Variants in SGCD observed in about 807,000 individuals in gnomAD.
The protein encoded by SGCD is sarcoglycan delta.
SGCD carries 18 observed loss-of-function variants against 36.6 expected under a neutral mutation model. The observed-to-expected ratio is 0.49, with a 90% CI of 0.34 to 0.73. The LOEUF is 0.73. Among genes scored for constraint, SGCD ranks in the 30% least tolerant of loss-of-function variants. The probability of loss-of-function intolerance (pLI) is 0.01; values close to 1 mark genes in which losing one functional copy is unlikely to be tolerated. For missense variants in SGCD, 387 were observed against 346.7 expected (o/e 1.12, Z -0.92); for synonymous variants, 133 against 130.6 (o/e 1.02, Z -0.12).
At chr5:155,964,053 T>C (rs1216567558) in intron 1 of SGCD, among the ~76,000 whole-genome samples, 1 of 152,116 alleles carries the variant, frequency 6.6e-6, no homozygotes, top group Non-Finnish European at 1.5e-5. Context: ...CCTATTGCTA[T>C]AGCTAGAAAA....
chr5:155,911,319 G>GTGTGTGTATATA (rs145927722), intron 1 of SGCD, among the ~76,000 whole-genome samples: 4 of 141,380 alleles, frequency 2.8e-5, no homozygotes, highest in Non-Finnish European at 6.1e-5. Context: ...GTGTGTGTGT[G>GTGTGTGTATATA]TATATATATA....
the SGCD span, among the ~76,000 whole-genome samples, chr5:155,741,883 C>A: frequency 1.3e-5 from 2 of 151,808 alleles, no homozygotes; most frequent in Non-Finnish European, 2.9e-5. Context: ...CAGGGTTTTG[C>A]CATGTTGCCC....
chr5:156,003,720 T>C (rs191019295), intron 1 of SGCD, among the ~76,000 whole-genome samples: 1 of 152,326 alleles, frequency 6.6e-6, no homozygotes, highest in East Asian at 1.9e-4. Context: ...CTAAATTTCA[T>C]TTTGAAATGT....
intron 3 of SGCD, among the ~76,000 whole-genome samples, chr5:156,486,304 G>A (rs1755655924): frequency 6.6e-6 from 1 of 152,046 alleles, no homozygotes; most frequent in African/African-American, 2.4e-5. Flanking sequence ...GCAATGCAGG[G>A]TACGCCAGAA....
chr5:156,463,601 T>C (rs1754590627), intron 3 of SGCD, among the ~76,000 whole-genome samples: 1 of 152,102 alleles, frequency 6.6e-6, no homozygotes, highest in South Asian at 2.1e-4. Context: ...GAGAACTGAG[T>C]AGATCTTTGT....
intron 6 of SGCD, among the ~76,000 whole-genome samples, chr5:156,609,978 C>T (rs547174797): frequency 4.6e-5 from 7 of 152,210 alleles, no homozygotes; most frequent in African/African-American, 1.4e-4. Flanking sequence ...AACTTCTTTG[C>T]CATGGGTTCC....
chr5:156,306,574 C>A (rs556402028), intron 3 of SGCD, among the ~76,000 whole-genome samples: 5 of 152,332 alleles, frequency 3.3e-5, no homozygotes, highest in Admixed American at 2.0e-4. Flanking sequence ...TCTGTCTCCC[C>A]CAAGCACACA....
chr5:156,560,810 T>C (rs908949928), intron 4 of SGCD, among the ~76,000 whole-genome samples: 3 of 151,908 alleles, frequency 2.0e-5, no homozygotes, highest in African/African-American at 7.3e-5. Flanking sequence ...CCTGCCTGTG[T>C]TTTTTTTGGA....
chr5:156,327,406 T>A (rs1767861795), intron 1 of SGCD, among the ~76,000 whole-genome samples, 174 bp downstream of exon 1: 1 of 152,202 alleles, frequency 6.6e-6, no homozygotes, highest in Non-Finnish European at 1.5e-5. Flanking sequence ...TCTGTGCTTT[T>A]CCCCCTTTAA....
intron 7 of SGCD, among the ~76,000 whole-genome samples, chr5:156,690,856 C>T (rs1051222188): frequency 6.6e-6 from 1 of 151,956 alleles, no homozygotes; most frequent in Non-Finnish European, 1.5e-5. Flanking sequence ...AATAGGATGA[C>T]TGTTAAAGTC....
At chr5:155,956,899 C>T (rs1330645198) in intron 1 of SGCD, among the ~76,000 whole-genome samples, 3 of 151,532 alleles carry the variant, frequency 2.0e-5, no homozygotes, top group Non-Finnish European at 1.5e-5. Context: ...TTATAGGTAC[C>T]GAGGGTTGGA....
chr5:156,233,890 T>A (rs1221824796), intron 3 of SGCD, among the ~76,000 whole-genome samples: 1 of 152,126 alleles, frequency 6.6e-6, no homozygotes, highest in African/African-American at 2.4e-5. Context: ...ATCTGTTTTT[T>A]GTTTGTTTGT....
chr5:156,176,354 A>G (rs1290540172), intron 3 of SGCD, among the ~76,000 whole-genome samples: 1 of 152,214 alleles, frequency 6.6e-6, no homozygotes, highest in Non-Finnish European at 1.5e-5. Flanking sequence ...GCAACGTACT[A>G]TAGATATGAA....
rs530502247 is a variant in SGCD, at chr5:156,605,761, T to A, written c.502+10710T>A. 2.6e-5 allele frequency among the ~76,000 whole-genome samples: 4 copies of A among 152,360 alleles called. No individual in the cohort carries two copies. The South Asian group carries it at 6.2e-4, about 24-fold the overall frequency. On this transcript the variant is annotated intron_variant, in intron 6 of 8. Transcript: ENST00000337851. ...CCATTCTAACTTGTGTGAGAGGGTA[T>A]CTCATTGTGGTTTTGATTTGCATTT...
intron 3 of SGCD, among the ~76,000 whole-genome samples, chr5:156,237,847 A>G (rs1466971928): frequency 6.6e-6 from 1 of 152,174 alleles, no homozygotes; most frequent in Non-Finnish European, 1.5e-5. Context: ...TACAGGATAC[A>G]AGAGTCACAG....
At chr5:156,208,488 G>A (rs930961698) in intron 3 of SGCD, among the ~76,000 whole-genome samples, 1 of 152,174 alleles carries the variant, frequency 6.6e-6, no homozygotes. Context: ...GCACCTTGGA[G>A]AGCTACATGA....
chr5:156,446,273 T>C (rs80088412), intron 3 of SGCD, among the ~76,000 whole-genome samples: 5,787 of 152,228 alleles, frequency 0.038, 145 homozygotes, highest in East Asian at 0.12. Flanking sequence ...GTGAAGTCTA[T>C]TTGTGTGAGT....
chr5:156,431,817 G>A (rs368670545), intron 3 of SGCD, among the ~76,000 whole-genome samples: 57 of 152,258 alleles, frequency 3.7e-4, no homozygotes, highest in African/African-American at 1.3e-3. Flanking sequence ...CCCAGTTCAG[G>A]TGATTCTCCT....
rs115494285 is a variant in SGCD at position 156,753,712 on chromosome 5, C to T, written c.576-3869C>T. On this transcript the variant is annotated intron_variant, in intron 7 of 8. Coordinates refer to ENST00000337851, the MANE Select transcript of SGCD (RefSeq NM_000337.6). ...GGTGGCAGGAAGGAGAAGTGCCAAG[C>T]GAAGGGGGAAAGCCTCTTATAAAAC... 3.2e-3 allele frequency among the ~76,000 whole-genome samples: 482 copies of T among 152,216 alleles called. 5 individuals are homozygous for T. Among genetic ancestry groups the T allele is most frequent in the African/African-American group, 0.011 (448 of 41,536 alleles).
Sources: allele counts gnomAD v4.1 joint callset (sites outside exome capture counted in the v4.1 genomes callset), GRCh38; gene constraint gnomAD v4.1.1; transcripts MANE v1.5; gene names NCBI Gene and HGNC (gene_info 2026-07-23, HGNC 2026-07-21).